RTF1: variants seen among roughly 807,000 people sequenced by gnomAD.
RTF1 encodes RTF1 homolog, Paf1/RNA polymerase II complex component.
In RTF1, 10 loss-of-function variants were observed where a neutral mutation model predicts 95.7. That is an observed-to-expected ratio of 0.10 (90% CI 0.06 to 0.18). RTF1 has a LOEUF of 0.18. RTF1 is among the 10% of genes least tolerant of loss of function. RTF1 has a pLI of 1.00. For missense variants in RTF1, 458 were observed against 875.6 expected (o/e 0.52, Z 6.02); for synonymous variants, 305 against 311.8 (o/e 0.98, Z 0.23).
chr15:41,421,457 A>T (rs1018149254), intron 1 of RTF1, among the ~76,000 whole-genome samples: 7 of 122,656 alleles, frequency 5.7e-5, no homozygotes, highest in South Asian at 2.4e-4. Context: ...ACTCTGTATT[A>T]AAAAAAAAAA....
chr15:41,447,433 C>T (rs1595431783), intron 2 of RTF1, among the ~76,000 whole-genome samples: 1 of 152,156 alleles, frequency 6.6e-6, no homozygotes, highest in Admixed American at 6.6e-5. Context: ...ATTCTATACA[C>T]ACTCAGCGTG....
rs2050968162 is a variant in RTF1 at position 41,480,740 on chromosome 15, C to T, written c.*53C>T. The T allele has an allele frequency of 1.6e-6, 2 of 1,260,994 alleles. No individual in the cohort carries two copies. Among genetic ancestry groups the T allele is most frequent in the Admixed American group, 1.7e-5 (1 of 57,494 alleles). The allele number at this position is 1,260,994 out of a possible 1,614,324, so 78.1% of individuals were successfully genotyped here. A position where few individuals can be genotyped will look rare whatever the true frequency, so the allele number is the denominator to read the frequency against. On this transcript the variant is annotated 3_prime_UTR_variant, in exon 18 of 18. Coordinates refer to ENST00000389629, the MANE Select transcript of RTF1 (RefSeq NM_015138.5). ...TGCATGCCCCATCGCAGCGTCCCAC[C>T]TTTCCTCCTTTCCTTTGATTTAGCC...
At chr15:41,430,174 A>ATTTT (rs773433000) in intron 1 of RTF1, among the ~76,000 whole-genome samples, 1 of 110,250 alleles carries the variant, frequency 9.1e-6, no homozygotes, top group African/African-American at 3.5e-5. Context: ...TGTCTGGCTA[A>ATTTT]TTTTTTTTTT....
intron 1 of RTF1, among the ~76,000 whole-genome samples, chr15:41,420,631 T>G (rs1037200940): frequency 4.6e-5 from 7 of 152,156 alleles, no homozygotes; most frequent in Admixed American, 1.3e-4. Context: ...GGAGGCCTTT[T>G]GTCCCTGGGT....
rs1241884649 is a variant in RTF1, at chr15:41,483,075, AAAG to A, written c.*2393_*2395del. The A allele has an allele frequency of 1.3e-5, 2 of 152,766 alleles. No individual in the cohort carries two copies. The highest frequency in any genetic ancestry group is 2.9e-5 in the Non-Finnish European group (2 of 68,042). The allele number at this position is 152,766 out of a possible 1,614,324, so 9.5% of individuals were successfully genotyped here. A position where few individuals can be genotyped will look rare whatever the true frequency, so the allele number is the denominator to read the frequency against. ...CACACAGCAGGGAGAAAAGCCAACC[AAAG>A]AAGACCGAAGGGTATCTTTCCACCC... On this transcript the variant is annotated 3_prime_UTR_variant, in exon 18 of 18. Transcript: ENST00000389629.
chr15:41,430,226 G>A (rs112679710), intron 1 of RTF1, among the ~76,000 whole-genome samples: 3,320 of 147,558 alleles, frequency 0.022, 53 homozygotes, highest in Middle Eastern at 0.077. Flanking sequence ...CCCTAGGCTG[G>A]AGTGCAGTGG....
chr15:41,462,485 G>A (rs922328979), intron 4 of RTF1, among the ~76,000 whole-genome samples: 5 of 151,982 alleles, frequency 3.3e-5, no homozygotes, highest in African/African-American at 1.2e-4. Context: ...CCTCCTGGGG[G>A]TTGTTGTAAA....
At chr15:41,442,304 A>T (rs1432184840) in intron 2 of RTF1, among the ~76,000 whole-genome samples, 1 of 151,314 alleles carries the variant, frequency 6.6e-6, no homozygotes, top group Admixed American at 6.6e-5. Flanking sequence ...AGCAGCTGGG[A>T]CTACAGGCGC....
intron 8 of RTF1, among the ~76,000 whole-genome samples, chr15:41,472,704 T>TC (rs1483530246): frequency 6.8e-6 from 1 of 148,058 alleles, no homozygotes; most frequent in Non-Finnish European, 1.5e-5. Flanking sequence ...AGACTGAGTC[T>TC]CTTTTTTTTT....
chr15:41,449,504 TA>T (rs2050780060), intron 2 of RTF1, among the ~76,000 whole-genome samples: 1 of 152,106 alleles, frequency 6.6e-6, no homozygotes. Flanking sequence ...TTTTTTAAAT[TA>T]AAAAATATAT....
chr15:41,421,856 G>A (rs2050603870), intron 1 of RTF1, among the ~76,000 whole-genome samples: 1 of 151,734 alleles, frequency 6.6e-6, no homozygotes, highest in Admixed American at 6.6e-5. Context: ...GACTACAGGT[G>A]TGCACCACCA....
intron 3 of RTF1, among the ~76,000 whole-genome samples, chr15:41,456,573 G>A (rs899274233): frequency 4.0e-5 from 6 of 151,750 alleles, no homozygotes; most frequent in Admixed American, 6.6e-5. Flanking sequence ...AAGGCGAGCG[G>A]ATCACTTGAG....
intron 5 of RTF1, 77 bp downstream of exon 5, chr15:41,464,962 G>GTGTGTA: frequency 6.9e-7 from 1 of 1,445,238 alleles, no homozygotes; most frequent in East Asian, 2.6e-5. Flanking sequence ...GTGTGTGTGT[G>GTGTGTA]TGTGTAAAAG....
In RTF1 at chr15:41,464,874, C is replaced by G; in HGVS notation, c.766C>G (p.Gln256Glu). 2 of 1,528,532 alleles carry G rather than the reference C, an allele frequency of 1.3e-6. No individual in the cohort carries two copies. The highest frequency in any genetic ancestry group is 2.5e-5 in the East Asian group (1 of 40,802). 94.7% of individuals were successfully genotyped at this position (1,528,532 alleles called of 1,614,324 possible). ...EQEKKKLTQI[Q>E]ESQVTSHNKE... ...AGAAAAGAAAAAACTGACACAGATT[C>G]AAGAATCTCAGGTAGGAGATTCAGT... The change falls in exon 5 of 18, where the codon CAA becomes GAA. Residue 256 changes from glutamine (Q) to glutamate (E), a missense_variant. Around this residue, in one of 11 missense-constraint regions of RTF1, gnomAD observed 39 missense variants for 43.8 expected, o/e 0.89. Coordinates refer to ENST00000389629, the MANE Select transcript of RTF1 (RefSeq NM_015138.5).
At chr15:41,471,451 T>G (rs2050911196) in intron 8 of RTF1, 102 bp downstream of exon 8, 1 of 1,225,884 alleles carries the variant, frequency 8.2e-7, no homozygotes, top group African/African-American at 1.5e-5. Context: ...TCTCTCAGCA[T>G]TTGATGGAAA....
At chr15:41,417,871 T>A (rs182726252) in intron 1 of RTF1, among the ~76,000 whole-genome samples, 1 of 152,164 alleles carries the variant, frequency 6.6e-6, no homozygotes, top group East Asian at 1.9e-4. Context: ...GGGCACGAGT[T>A]TATTTGGCGA....
intron 6 of RTF1, among the ~76,000 whole-genome samples, chr15:41,469,192 C>T (rs2140649928): frequency 6.6e-6 from 1 of 152,186 alleles, no homozygotes; most frequent in Middle Eastern, 3.4e-3. Flanking sequence ...GTCTTGAACT[C>T]CTGACCTTAA....
At position 41,474,813 on chromosome 15, in the gene RTF1, C is replaced by T; in HGVS notation, c.1286+111C>T. 6 of 794,576 alleles carry T rather than the reference C, an allele frequency of 7.6e-6. 1 individual carries two copies. The highest frequency in any genetic ancestry group is 7.0e-5 in the South Asian group (5 of 71,050). The allele number at this position is 794,576 out of a possible 1,614,324, so 49.2% of individuals were successfully genotyped here. On this transcript the variant is annotated intron_variant, in intron 9 of 17. Coordinates refer to ENST00000389629, the MANE Select transcript of RTF1 (RefSeq NM_015138.5). ...CTTGTTACCATGAACGCTATGTATGCAATCCCCACAAGGTACACTTGGAGG... is the reference window on the plus strand; with the variant it reads ...CTTGTTACCATGAACGCTATGTATGTAATCCCCACAAGGTACACTTGGAGG...
chr15:41,437,218 G>A (rs1244218875), intron 1 of RTF1, among the ~76,000 whole-genome samples: 5 of 151,382 alleles, frequency 3.3e-5, no homozygotes, highest in African/African-American at 9.7e-5. Flanking sequence ...GCATTGGGCC[G>A]GGTGTGGGGG....
Sources: allele counts gnomAD v4.1 joint callset (sites outside exome capture counted in the v4.1 genomes callset), GRCh38; gene constraint gnomAD v4.1.1; regional missense constraint gnomAD v4.1.1; transcripts MANE v1.5; gene names NCBI Gene and HGNC (gene_info 2026-07-23, HGNC 2026-07-21).